PRPF6: variants seen among roughly 807,000 people sequenced by gnomAD.
The protein encoded by PRPF6 is pre-mRNA processing factor 6.
Under a neutral mutation model 118.3 loss-of-function variants are expected in PRPF6, and 42 were observed. The ratio of observed to expected loss-of-function variants is 0.35; its 90% CI spans 0.28 to 0.46. The LOEUF (loss-of-function observed/expected upper bound fraction) is 0.46. Among genes scored for constraint, PRPF6 ranks in the 20% least tolerant of loss-of-function variants. The pLI, the probability that PRPF6 is intolerant of heterozygous loss-of-function variation, is 1.00. For synonymous variants in PRPF6, 481 were observed against 485.1 expected (o/e 0.99, Z 0.11); for missense variants, 662 against 1,255.7 (o/e 0.53, Z 7.15).
intron 9 of PRPF6, 132 bp downstream of exon 9, chr20:64,001,371 G>T: frequency 1.8e-6 from 2 of 1,129,184 alleles, no homozygotes; most frequent in South Asian, 1.4e-5. Context: ...CTTTTCTCAG[G>T]CTGGGTTGCC....
chr20:64,003,708 G>A (rs2059177791), intron 9 of PRPF6, among the ~76,000 whole-genome samples: 1 of 152,164 alleles, frequency 6.6e-6, no homozygotes, highest in Non-Finnish European at 1.5e-5. Flanking sequence ...CCATTCTCCT[G>A]CCTCAGCCCC....
At chr20:64,015,594 C>T (rs749151479) in intron 11 of PRPF6, among the ~76,000 whole-genome samples, 3 of 152,340 alleles carry the variant, frequency 2.0e-5, no homozygotes, top group African/African-American at 4.8e-5. Flanking sequence ...TAGACACATT[C>T]TCTTGCACAC....
chr20:64,020,620 A>T (rs1279556686), intron 12 of PRPF6, among the ~76,000 whole-genome samples: 5 of 152,154 alleles, frequency 3.3e-5, no homozygotes, highest in Non-Finnish European at 7.4e-5. Context: ...TAACCAAAAG[A>T]TAAAGTCATT....
At chr20:63,986,327 A>G (rs1311596397) in intron 3 of PRPF6, among the ~76,000 whole-genome samples, 2 of 147,638 alleles carry the variant, frequency 1.4e-5, no homozygotes, top group Non-Finnish European at 3.0e-5. Flanking sequence ...CCTGGGAGAC[A>G]AGAGCAAGAC....
rs565880463 is a variant in PRPF6, at chr20:64,001,318, C to G, written c.1186+79C>G. 4.6e-5 allele frequency: 70 copies of G among 1,534,342 alleles called. 1 individual carries two copies. The South Asian group carries it at 7.8e-4, about 17-fold the overall frequency. On this transcript the variant is annotated intron_variant, in intron 9 of 20. Coordinates refer to ENST00000266079, the MANE Select transcript of PRPF6 (RefSeq NM_012469.4). ...GCAGCTTTCCTGCTCCTGGCTCAGG[C>G]TTTTGGTGAGAGTGGATAAGGAACC...
At chr20:63,991,801 A>C (rs2059119951) in intron 3 of PRPF6, among the ~76,000 whole-genome samples, 6 of 152,146 alleles carry the variant, frequency 3.9e-5, no homozygotes, top group Admixed American at 3.9e-4. Context: ...AAAAAAAAAA[A>C]AGTAGTGTAC....
Position 64,028,407 on chromosome 20 carries a change from C to A in PRPF6, c.2340-71C>A. 1 of 1,525,610 alleles carries A rather than the reference C, an allele frequency of 6.6e-7. No homozygotes were observed. Among genetic ancestry groups the A allele is most frequent in the Non-Finnish European group, 9.1e-7 (1 of 1,101,186 alleles). 94.5% of individuals were successfully genotyped at this position (1,525,610 alleles called of 1,614,324 possible). On this transcript the variant is annotated intron_variant, in intron 17 of 20. Transcript: ENST00000266079. This position sits in a 1 kb window ranked among gnomAD's most constrained non-coding sequence, Gnocchi z 6.5. ...GGGTGGAGAGCCCTTTCAGACAAGG[C>A]TTCCCAGAAGCTACCAGAATATGTG...
chr20:64,033,070 T>C lies in PRPF6; in HGVS notation c.*77T>C. 1 of 1,590,468 alleles carries C rather than the reference T, an allele frequency of 6.3e-7. No individual in the cohort carries two copies. The highest frequency in any genetic ancestry group is 8.6e-7 in the Non-Finnish European group (1 of 1,165,260). Reference sequence around the variant, plus strand: ...GAAGGGCTCTGAGCTGTGTCCTCCTTCATTAAAAGTTTTTATGTCTCGTGT... The same window carrying C: ...GAAGGGCTCTGAGCTGTGTCCTCCTCCATTAAAAGTTTTTATGTCTCGTGT... On this transcript the variant is annotated 3_prime_UTR_variant, in exon 21 of 21. Coordinates refer to ENST00000266079, the MANE Select transcript of PRPF6 (RefSeq NM_012469.4).
At position 63,999,068 on chromosome 20, in the gene PRPF6, G is replaced by A; in HGVS notation, c.795G>A (p.Gln265=). Reference sequence around the variant, plus strand: ...AGGTGTCTGACTCCGTGAGTGGACAGACCGTCGTTGACCCCAAAGGCTACC... The same window carrying A: ...AGGTGTCTGACTCCGTGAGTGGACAAACCGTCGTTGACCCCAAAGGCTACC... ...LSQVSDSVSG[Q]TVVDPKGYLT... is the part of the protein sequence containing the mutation. The change falls in exon 7 of 21, where the codon CAG becomes CAA. Residue 265 remains glutamine (Q), a synonymous_variant. Transcript: ENST00000266079. 1 of 1,613,806 alleles carries A rather than the reference G, an allele frequency of 6.2e-7. No individual in the cohort carries two copies. The highest frequency in any genetic ancestry group is 1.3e-5 in the African/African-American group (1 of 75,020).
intron 12 of PRPF6, among the ~76,000 whole-genome samples, chr20:64,019,850 C>T (rs1016331377): frequency 6.6e-6 from 1 of 152,224 alleles, no homozygotes; most frequent in Non-Finnish European, 1.5e-5. Context: ...GTGAAGAAAT[C>T]TCAGTGACAT....
chr20:64,004,739 C>A (rs2059182182), intron 9 of PRPF6, among the ~76,000 whole-genome samples: 1 of 152,154 alleles, frequency 6.6e-6, no homozygotes, highest in Non-Finnish European at 1.5e-5. Context: ...ATGTGAGCTT[C>A]CTGGCCAGGG....
rs1175447653 is a variant in PRPF6, at chr20:64,029,595, A to C, written c.2546+104A>C. 1 of 1,044,234 alleles carries C rather than the reference A, an allele frequency of 9.6e-7. No individual in the cohort carries two copies. Among genetic ancestry groups the C allele is most frequent in the Non-Finnish European group, 1.5e-6 (1 of 686,328 alleles). 64.7% of individuals were successfully genotyped at this position (1,044,234 alleles called of 1,614,324 possible). A position where few individuals can be genotyped will look rare whatever the true frequency, so the allele number is the denominator to read the frequency against. Reference sequence around the variant, plus strand: ...GGTCATTGTAAAGATGCCCGGCAGCAGGGTGGGCTTCCCCGATCCTCGGCT... The same window carrying C: ...GGTCATTGTAAAGATGCCCGGCAGCCGGGTGGGCTTCCCCGATCCTCGGCT... On this transcript the variant is annotated intron_variant, in intron 19 of 20. Transcript: ENST00000266079. This position sits in a 1 kb window ranked among gnomAD's most constrained non-coding sequence, Gnocchi z 4.8.
intron 11 of PRPF6, among the ~76,000 whole-genome samples, chr20:64,016,121 C>T (rs992537442): frequency 3.3e-5 from 5 of 151,118 alleles, no homozygotes; most frequent in African/African-American, 1.2e-4. Context: ...TTGACTCTCT[C>T]TCTTTTTTTT....
At position 63,995,075 on chromosome 20, in the gene PRPF6, G is replaced by C. The variant is rs775954671; in HGVS notation, c.598G>C (p.Val200Leu). 1.6e-5 allele frequency: 26 copies of C among 1,614,076 alleles called. No individual in the cohort carries two copies. The highest frequency in any genetic ancestry group is 2.2e-5 in the Non-Finnish European group (26 of 1,180,054). Residue 200 changes from valine (V) to leucine (L), a missense_variant, in exon 5 of 21, where the codon GTG becomes CTG. This residue lies in a region of PRPF6 where 97 missense variants were observed against 122.6 expected (regional missense o/e 0.79). Coordinates refer to ENST00000266079, the MANE Select transcript of PRPF6 (RefSeq NM_012469.4). ...ACAGACCGGAGAGAACCATACCTCA[G>C]TGGATCCCCGACAAACTGTGAGCTT... The part of the protein sequence containing the change: ...HLQTGENHTS[V>L]DPRQTQFGGL...
In PRPF6 at chr20:63,999,900, G is replaced by A; in HGVS notation, c.1023+141G>A. On this transcript the variant is annotated intron_variant, in intron 8 of 20. Transcript: ENST00000266079. Reference sequence around the variant, plus strand: ...GGCAGGCTGGGGGAGGATGTGAAAAGCAGCCAAGGGCTTTTTCCTGCTTGT... The same window carrying A: ...GGCAGGCTGGGGGAGGATGTGAAAAACAGCCAAGGGCTTTTTCCTGCTTGT... 1.8e-6 allele frequency: 2 copies of A among 1,085,952 alleles called. 1 individual carries two copies. Among genetic ancestry groups the A allele is most frequent in the Middle Eastern group, 6.0e-4 (2 of 3,356 alleles). 67.3% of individuals were successfully genotyped at this position (1,085,952 alleles called of 1,614,324 possible).
chr20:64,028,851 CT>C lies in PRPF6; in HGVS notation c.2431+287del, dbSNP rs1431372612. On this transcript the variant is annotated intron_variant, in intron 18 of 20. Transcript: ENST00000266079. This position sits in a 1 kb window ranked among gnomAD's most constrained non-coding sequence, Gnocchi z 6.5. ...TTTCATTTCTGAAGTGTTATCATTT[CT>C]TTTTCTTTTAAAATTTAAAAGAAAT... 1.3e-5 allele frequency among the ~76,000 whole-genome samples: 2 copies of C among 152,316 alleles called. No individual in the cohort carries two copies. The highest frequency in any genetic ancestry group is 3.9e-4 in the East Asian group (2 of 5,186).
intron 9 of PRPF6, among the ~76,000 whole-genome samples, chr20:64,004,556 C>T (rs1211273028): frequency 1.3e-5 from 2 of 152,162 alleles, no homozygotes; most frequent in Non-Finnish European, 2.9e-5. Flanking sequence ...AGCTCTGGGT[C>T]GCTGTTGGGC....
chr20:64,008,009 T>C (rs1221888228), intron 9 of PRPF6, among the ~76,000 whole-genome samples: 1 of 152,224 alleles, frequency 6.6e-6, no homozygotes, highest in Non-Finnish European at 1.5e-5. Context: ...ACTCCTGACC[T>C]CAGGTGATCT....
rs1354112612 is a variant in PRPF6, at chr20:64,033,078, A to T, written c.*85A>T. ...CTGAGCTGTGTCCTCCTTCATTAAA[A>T]GTTTTTATGTCTCGTGTCAGAACAG... On this transcript the variant is annotated 3_prime_UTR_variant, in exon 21 of 21. Coordinates refer to ENST00000266079, the MANE Select transcript of PRPF6 (RefSeq NM_012469.4). The T allele has an allele frequency of 3.8e-6, 6 of 1,582,998 alleles. No homozygotes were observed. Among genetic ancestry groups the T allele is most frequent in the Non-Finnish European group, 5.2e-6 (6 of 1,160,494 alleles).
Sources: allele counts gnomAD v4.1 joint callset (sites outside exome capture counted in the v4.1 genomes callset), GRCh38; gene constraint gnomAD v4.1.1; regional missense constraint gnomAD v4.1.1; non-coding constraint Gnocchi (gnomAD v3.1); transcripts MANE v1.5; gene names NCBI Gene and HGNC (gene_info 2026-07-23, HGNC 2026-07-21).